The following SLC39A11 variants were observed in gnomAD, a reference collection of about 807,000 sequenced individuals.
SLC39A11 encodes the protein solute carrier family 39 member 11.
SLC39A11 carries 33 observed loss-of-function variants against 36.1 expected under a neutral mutation model. The observed-to-expected ratio is 0.91, with a 90% CI of 0.69 to 1.22. The LOEUF is 1.22. Ranked by LOEUF, SLC39A11 falls within the 50% of genes most tolerant of loss-of-function variation. SLC39A11 has a pLI of 0.00. For missense variants in SLC39A11, 432 were observed against 430.3 expected (o/e 1.00, Z -0.03); for synonymous variants, 166 against 170.3 (o/e 0.97, Z 0.20).
At chr17:73,069,126 C>T (rs914633521) in intron 3 of SLC39A11, among the ~76,000 whole-genome samples, 3 of 152,148 alleles carry the variant, frequency 2.0e-5, no homozygotes, top group African/African-American at 7.2e-5. Context: ...TTCCCCTACC[C>T]CGTCTTCCCC....
rs764728558 is a variant in SLC39A11, at chr17:72,732,040, CTTTT to C, written c.671+4606_671+4609del. Among the ~76,000 whole-genome samples, 11 of 33,660 alleles carry C rather than the reference CTTTT, an allele frequency of 3.3e-4. No individual in the cohort carries two copies. The East Asian group carries it at 3.6e-3, about 11-fold the overall frequency. 22.1% of individuals were successfully genotyped at this position (33,660 alleles called of 152,430 possible). A position where few individuals can be genotyped will look rare whatever the true frequency, so the allele number is the denominator to read the frequency against. ...TTTCTTTATTTTTTTCTTTTCTTTT[CTTTT>C]TTTTTTTTTTTTTTTTTTTTTTGAG... On this transcript the variant is annotated intron_variant, in intron 7 of 9. Transcript: ENST00000255559.
rs1475533717 is a variant in SLC39A11, at chr17:72,765,977, G to GA, written c.602-29259dup. On this transcript the variant is annotated intron_variant, in intron 6 of 9. Coordinates refer to ENST00000255559, the MANE Select transcript of SLC39A11 (RefSeq NM_139177.4). ...CAGTCGGCGGATAGAGCTGGGGCAGGAATCGCTGAGCTGCTAGCAGCTCCT... is the reference window on the plus strand; with the variant it reads ...CAGTCGGCGGATAGAGCTGGGGCAGGAAATCGCTGAGCTGCTAGCAGCTCCT... Among the ~76,000 whole-genome samples, 4 of 152,318 alleles carry GA rather than the reference G, an allele frequency of 2.6e-5. No individual in the cohort carries two copies. In the East Asian group the frequency reaches 7.7e-4, roughly 29 times the overall value.
chr17:73,069,589 G>A (rs184840314), intron 3 of SLC39A11, among the ~76,000 whole-genome samples: 2 of 152,314 alleles, frequency 1.3e-5, no homozygotes, highest in East Asian at 3.9e-4. Flanking sequence ...CCCCTTTTAT[G>A]AGCAAGCCAC....
intron 6 of SLC39A11, among the ~76,000 whole-genome samples, chr17:72,788,217 C>T (rs2076582298): frequency 6.6e-6 from 1 of 152,194 alleles, no homozygotes; most frequent in African/African-American, 2.4e-5. Flanking sequence ...ATCCTGGACC[C>T]CTCGACCAGA....
At chr17:73,010,866 G>A (rs967857418) in intron 4 of SLC39A11, among the ~76,000 whole-genome samples, 17 of 152,338 alleles carry the variant, frequency 1.1e-4, no homozygotes, top group African/African-American at 4.1e-4. Context: ...TAACTCACAT[G>A]TGTAAAGCAC....
intron 7 of SLC39A11, among the ~76,000 whole-genome samples, chr17:72,698,832 T>C (rs1282550804): frequency 2.0e-5 from 3 of 152,102 alleles, no homozygotes; most frequent in Non-Finnish European, 4.4e-5. Flanking sequence ...AGGTTGGTTC[T>C]TTTTTTGTTT....
intron 4 of SLC39A11, among the ~76,000 whole-genome samples, chr17:72,976,819 C>T (rs963923046): frequency 4.0e-5 from 6 of 151,018 alleles, no homozygotes; most frequent in African/African-American, 1.5e-4. Context: ...CATTGCACTC[C>T]AGCCTGGCAA....
chr17:72,944,489 T>C (rs903216295), intron 5 of SLC39A11, among the ~76,000 whole-genome samples: 58 of 152,194 alleles, frequency 3.8e-4, no homozygotes, highest in African/African-American at 1.4e-3. Context: ...TATGCAGCCA[T>C]CTGGGGTGTG....
chr17:72,949,368 C>T (rs912581713), intron 4 of SLC39A11, among the ~76,000 whole-genome samples: 18 of 151,682 alleles, frequency 1.2e-4, no homozygotes, highest in African/African-American at 3.9e-4. Context: ...ACCATGTTGG[C>T]CAGGCTGGTC....
chr17:72,891,785 T>C (rs2081758946), intron 5 of SLC39A11, among the ~76,000 whole-genome samples: 1 of 151,530 alleles, frequency 6.6e-6, no homozygotes, highest in Non-Finnish European at 1.5e-5. Context: ...TATTACTATT[T>C]ATTACTATTT....
chr17:72,898,845 C>A (rs2082165854), intron 5 of SLC39A11, among the ~76,000 whole-genome samples: 3 of 152,304 alleles, frequency 2.0e-5, no homozygotes, highest in African/African-American at 7.2e-5. Context: ...GACTTCAGAA[C>A]CCTCACTCTT....
At chr17:72,790,454 C>A (rs1415321463) in intron 6 of SLC39A11, among the ~76,000 whole-genome samples, 5 of 152,160 alleles carry the variant, frequency 3.3e-5, no homozygotes, top group Admixed American at 6.5e-5. Flanking sequence ...CATGGACAGA[C>A]CTGAAGCGCT....
chr17:72,656,773 T>A (rs2070142567), intron 7 of SLC39A11, among the ~76,000 whole-genome samples: 2 of 151,898 alleles, frequency 1.3e-5, no homozygotes, highest in South Asian at 4.2e-4. Flanking sequence ...GGAAGGGGGG[T>A]CCCATCCAGC....
intron 6 of SLC39A11, among the ~76,000 whole-genome samples, chr17:72,745,532 G>GGATCCCTTCTGGGCTCACAGGC (rs1485996178): frequency 8.5e-5 from 13 of 152,206 alleles, no homozygotes; most frequent in Non-Finnish European, 1.8e-4. Flanking sequence ...TTCTCACAGG[G>GGATCCCTTCTGGGCTCACAGGC]GATCCCTTCT....
chr17:72,840,627 TG>T (rs1034416066), intron 6 of SLC39A11, among the ~76,000 whole-genome samples: 1 of 151,696 alleles, frequency 6.6e-6, no homozygotes, highest in Non-Finnish European at 1.5e-5. Context: ...GGCGTGGTGG[TG>T]GGTGCCTGTA....
chr17:73,035,499 C>T (rs1376885398), intron 3 of SLC39A11, among the ~76,000 whole-genome samples: 2 of 152,112 alleles, frequency 1.3e-5, no homozygotes, highest in East Asian at 1.9e-4. Context: ...ATGCCTAAAA[C>T]CTGTGAATAT....
chr17:72,800,655 G>A (rs1312123887), intron 6 of SLC39A11, among the ~76,000 whole-genome samples: 1 of 152,130 alleles, frequency 6.6e-6, no homozygotes, highest in Non-Finnish European at 1.5e-5. Context: ...GCGGCTGGGG[G>A]TCACTGGACA....
At chr17:72,877,145 C>T (rs1200068373) in intron 5 of SLC39A11, among the ~76,000 whole-genome samples, 1 of 152,234 alleles carries the variant, frequency 6.6e-6, no homozygotes, top group Non-Finnish European at 1.5e-5. Flanking sequence ...CACCAACACA[C>T]ACACATACAC....
At position 73,004,163 on chromosome 17, in the gene SLC39A11, AAAAGAAAGAAAGAAAG is replaced by A. The variant is rs1268703786; in HGVS notation, c.306+27377_306+27392del. Among the ~76,000 whole-genome samples, 96 of 100,314 alleles carry A rather than the reference AAAAGAAAGAAAGAAAG, an allele frequency of 9.6e-4. 2 individuals are homozygous for A. Among genetic ancestry groups the A allele is most frequent in the Admixed American group, 1.2e-3 (11 of 9,236 alleles). The allele number at this position is 100,314 out of a possible 152,430, so 65.8% of individuals were successfully genotyped here. A position where few individuals can be genotyped will look rare whatever the true frequency, so the allele number is the denominator to read the frequency against. ...AGGAAGAAAGAAAGAAAGAAGGAAA[AAAAGAAAGAAAGAAAG>A]AAAGAAAGAAAGAAAGAAAGAAAGA... On this transcript the variant is annotated intron_variant, in intron 4 of 9. Transcript: ENST00000255559.
Sources: gnomAD v4.1 joint callset for allele counts (sites outside exome capture counted in the v4.1 genomes callset) on GRCh38, gnomAD v4.1.1 for gene constraint, MANE v1.5 for transcripts, NCBI Gene and HGNC (gene_info 2026-07-23, HGNC 2026-07-21) for gene names.